The following STXBP5 variants were observed in gnomAD, a reference collection of about 807,000 sequenced individuals.
The protein encoded by STXBP5 is syntaxin binding protein 5.
A neutral mutation model predicts 152.4 loss-of-function variants in STXBP5; 50 were observed. That is an observed-to-expected ratio of 0.33 (90% CI 0.26 to 0.42). STXBP5 has a LOEUF of 0.42. STXBP5 is among the 10% of genes least tolerant of loss of function. STXBP5 has a pLI of 1.00. For synonymous variants in STXBP5, 492 were observed against 494.7 expected (o/e 0.99, Z 0.07); for missense variants, 1,167 against 1,388.6 (o/e 0.84, Z 2.54).
At chr6:147,226,369 T>C (rs964611837) in intron 2 of STXBP5, among the ~76,000 whole-genome samples, 3 of 152,140 alleles carry the variant, frequency 2.0e-5, no homozygotes, top group African/African-American at 7.2e-5. Flanking sequence ...CATTCATTCA[T>C]TGAGTGTCTG....
chr6:147,292,942 A>C (rs1215993960), intron 9 of STXBP5: 2 of 152,252 alleles, frequency 1.3e-5, no homozygotes, highest in African/African-American at 2.4e-5. Context: ...AAATACAGTC[A>C]TCCACTACCT....
chr6:147,330,694 A>C (rs569247204), intron 18 of STXBP5, among the ~76,000 whole-genome samples: 1 of 152,338 alleles, frequency 6.6e-6, no homozygotes, highest in South Asian at 2.1e-4. Context: ...TTGATGACTT[A>C]TGGCAGCCTG....
intron 2 of STXBP5, among the ~76,000 whole-genome samples, chr6:147,220,293 A>G (rs960448867): frequency 4.6e-5 from 7 of 152,242 alleles, no homozygotes; most frequent in Admixed American, 2.0e-4. Context: ...ATGGCCCAGA[A>G]TATATTCTGT....
rs1426033554 is a variant in STXBP5 at position 147,386,959 on chromosome 6, A to G, written c.*2204A>G. ...TGTCATTTTTCCTGTTGTATACAAA[A>G]TGAACTAATCTTGTAATTATTTTCA... On this transcript the variant is annotated 3_prime_UTR_variant, in exon 28 of 28. Transcript: ENST00000321680. 6.6e-6 allele frequency: 1 copy of G among 151,824 alleles called. No homozygotes were observed. The highest frequency in any genetic ancestry group is 6.6e-5 in the Admixed American group (1 of 15,202). The allele number at this position is 151,824 out of a possible 1,614,324, so 9.4% of individuals were successfully genotyped here. A position where few individuals can be genotyped will look rare whatever the true frequency, so the allele number is the denominator to read the frequency against.
rs558396041 is a variant in STXBP5 at position 147,334,399 on chromosome 6, T to C, written c.2146+177T>C. On this transcript the variant is annotated intron_variant, in intron 19 of 27. Transcript: ENST00000321680. Reference sequence around the variant, plus strand: ...TGAATTCTGATTAAGTGGAAAGAAATGTAGCTTGTGCTAAATAAAAATCCA... The same window carrying C: ...TGAATTCTGATTAAGTGGAAAGAAACGTAGCTTGTGCTAAATAAAAATCCA... 9.8e-5 allele frequency among the ~76,000 whole-genome samples: 15 copies of C among 152,308 alleles called. No individual in the cohort carries two copies. In the East Asian group the frequency reaches 1.9e-3, roughly 20 times the overall value.
Position 147,237,011 on chromosome 6 carries a change from C to T in STXBP5, c.330+1680C>T, listed in dbSNP as rs9485154. Among the ~76,000 whole-genome samples the T allele has an allele frequency of 7.0e-3, 1,070 of 152,104 alleles. 15 individuals are homozygous for T. The highest frequency in any genetic ancestry group is 0.024 in the African/African-American group (980 of 41,508). ...CAGGCTGGTCTCTAACTCCTGACCT[C>T]GTGATCTGCCTGCCTCAGTCTCCCA... On this transcript the variant is annotated intron_variant, in intron 3 of 27. Coordinates refer to ENST00000321680, the MANE Select transcript of STXBP5 (RefSeq NM_001127715.4).
At chr6:147,325,585 CAT>C (rs1459008379) in intron 17 of STXBP5, among the ~76,000 whole-genome samples, 1 of 152,144 alleles carries the variant, frequency 6.6e-6, no homozygotes, top group East Asian at 1.9e-4. Flanking sequence ...TGCCTTCAGC[CAT>C]ATAGTGTTAA....
chr6:147,234,060 C>G (rs908205903), intron 2 of STXBP5, among the ~76,000 whole-genome samples: 2 of 151,454 alleles, frequency 1.3e-5, no homozygotes, highest in Non-Finnish European at 3.0e-5. Context: ...AGGAAGAAAT[C>G]ATAGCCAATA....
rs2128426162 is a variant in STXBP5, at chr6:147,388,278, T to G, written c.*3523T>G. On this transcript the variant is annotated 3_prime_UTR_variant, in exon 28 of 28. Coordinates refer to ENST00000321680, the MANE Select transcript of STXBP5 (RefSeq NM_001127715.4). ...GCTGTACCTTAAATAAACTGATCAG[T>G]TTTAAAACCTTTAATAGGGTTTTAT... 6.6e-6 allele frequency: 1 copy of G among 151,850 alleles called. No individual in the cohort carries two copies. Among genetic ancestry groups the G allele is most frequent in the Non-Finnish European group, 1.5e-5 (1 of 67,728 alleles). The allele number at this position is 151,850 out of a possible 1,614,324, so 9.4% of individuals were successfully genotyped here.
intron 27 of STXBP5, among the ~76,000 whole-genome samples, chr6:147,384,371 G>A (rs1046310136): frequency 2.6e-5 from 4 of 152,104 alleles, no homozygotes; most frequent in Admixed American, 1.3e-4. Flanking sequence ...ATGGCAGGAG[G>A]AGTAGCATTT....
At chr6:147,282,584 T>G (rs1165836975) in intron 8 of STXBP5, among the ~76,000 whole-genome samples, 1 of 152,202 alleles carries the variant, frequency 6.6e-6, no homozygotes, top group Non-Finnish European at 1.5e-5. Flanking sequence ...GTTATTTCCT[T>G]TCAGTGGGCC....
chr6:147,341,419 G>C (rs913674466), intron 21 of STXBP5, among the ~76,000 whole-genome samples: 2 of 152,054 alleles, frequency 1.3e-5, no homozygotes, highest in Non-Finnish European at 2.9e-5. Flanking sequence ...CATCCGATCT[G>C]GTACCTGCTA....
rs1197582954 is a variant in STXBP5, at chr6:147,308,109, A to G, written c.918-1975A>G. 2.0e-5 allele frequency among the ~76,000 whole-genome samples: 3 copies of G among 152,216 alleles called. No homozygotes were observed. The East Asian group carries it at 5.8e-4, about 29-fold the overall frequency. On this transcript the variant is annotated intron_variant, in intron 9 of 27. Coordinates refer to ENST00000321680, the MANE Select transcript of STXBP5 (RefSeq NM_001127715.4). ...CTCAAGTCTTCCATTCTAAAAATTTAACAAGTGTTAGTTCCCCACTGGTCC... is the reference window on the plus strand; with the variant it reads ...CTCAAGTCTTCCATTCTAAAAATTTGACAAGTGTTAGTTCCCCACTGGTCC...
At chr6:147,246,398 A>C (rs531291346) in intron 4 of STXBP5, among the ~76,000 whole-genome samples, 1 of 152,200 alleles carries the variant, frequency 6.6e-6, no homozygotes, top group South Asian at 2.1e-4. Context: ...CTTTTTTAGG[A>C]CCTAATGTTA....
intron 26 of STXBP5, among the ~76,000 whole-genome samples, chr6:147,376,247 G>A (rs777706247): frequency 4.6e-5 from 7 of 152,062 alleles, no homozygotes; most frequent in Non-Finnish European, 7.4e-5. Context: ...TGAATTTTTT[G>A]GGAAACTTGT....
rs1781256823 is a variant in STXBP5, at chr6:147,291,181, T to G, written c.917+9T>G. On this transcript the variant is annotated intron_variant, in intron 9 of 27. Coordinates refer to ENST00000321680, the MANE Select transcript of STXBP5 (RefSeq NM_001127715.4). ...AAAACGACTAGATCTGGGTAAGATT[T>G]TACTTCATTGCCAATGTTCATTGTA... 6.2e-7 allele frequency: 1 copy of G among 1,609,496 alleles called. No individual in the cohort carries two copies. Among genetic ancestry groups the G allele is most frequent in the African/African-American group, 1.3e-5 (1 of 74,976 alleles).
intron 18 of STXBP5, among the ~76,000 whole-genome samples, chr6:147,329,349 C>A (rs1287863226): frequency 6.7e-6 from 1 of 149,388 alleles, no homozygotes; most frequent in African/African-American, 2.4e-5. Flanking sequence ...AAGATATTTA[C>A]TCATTGTTAT....
At chr6:147,365,943 A>G (rs1210624904) in intron 25 of STXBP5, among the ~76,000 whole-genome samples, 1 of 152,352 alleles carries the variant, frequency 6.6e-6, no homozygotes, top group Middle Eastern at 3.4e-3. Context: ...GACAGAACTC[A>G]TGAAACAATG....
At chr6:147,216,919 A>G (rs1777199470) in intron 2 of STXBP5, among the ~76,000 whole-genome samples, 1 of 152,236 alleles carries the variant, frequency 6.6e-6, no homozygotes, top group African/African-American at 2.4e-5. Flanking sequence ...AGCTATTGTT[A>G]AACAGCAAGT....
Sources: allele counts gnomAD v4.1 joint callset (sites outside exome capture counted in the v4.1 genomes callset), GRCh38; gene constraint gnomAD v4.1.1; transcripts MANE v1.5; gene names NCBI Gene and HGNC (gene_info 2026-07-23, HGNC 2026-07-21).